The following ERBB4 variants were observed in gnomAD, a reference collection of about 807,000 sequenced individuals.
The protein encoded by ERBB4 is erb-b2 receptor tyrosine kinase 4.
A neutral mutation model predicts 158.0 loss-of-function variants in ERBB4; 42 were observed. The observed-to-expected ratio is 0.27, with a 90% CI of 0.21 to 0.34. ERBB4 has a LOEUF of 0.34. ERBB4 is among the 10% of genes least tolerant of loss of function. The probability of loss-of-function intolerance (pLI) is 1.00; values close to 1 mark genes in which losing one functional copy is unlikely to be tolerated. For missense variants in ERBB4, 1,333 were observed against 1,624.1 expected (o/e 0.82, Z 3.08); for synonymous variants, 583 against 558.7 (o/e 1.04, Z -0.61).
rs58919262 is a variant in ERBB4, at chr2:211,580,787, GATATAT to G, written c.2302-18705_2302-18700del. On this transcript the variant is annotated intron_variant, in intron 19 of 27. Transcript: ENST00000342788. Reference sequence around the variant, plus strand: ...ATCAACGGGTAGATAAAGAAATTGTGATATATATATATATATATATATATAATATAT... The same window carrying G: ...ATCAACGGGTAGATAAAGAAATTGTGATATATATATATATATATAATATAT... Among the ~76,000 whole-genome samples, 557 of 67,666 alleles carry G rather than the reference GATATAT, an allele frequency of 8.2e-3. 23 individuals carry two copies. Among genetic ancestry groups the G allele is most frequent in the African/African-American group, 0.016 (307 of 19,444 alleles). The allele number at this position is 67,666 out of a possible 152,430, so 44.4% of individuals were successfully genotyped here. A position where few individuals can be genotyped will look rare whatever the true frequency, so the allele number is the denominator to read the frequency against.
chr2:211,880,577 A>G (rs920614837), intron 3 of ERBB4, among the ~76,000 whole-genome samples: 1 of 152,204 alleles, frequency 6.6e-6, no homozygotes, highest in African/African-American at 2.4e-5. Flanking sequence ...ATTTGCACCA[A>G]AATAAACCCA....
chr2:212,464,374 C>T (rs528689059), intron 1 of ERBB4, among the ~76,000 whole-genome samples: 3 of 151,998 alleles, frequency 2.0e-5, no homozygotes, highest in Admixed American at 6.6e-5. Context: ...GGTTCCATTC[C>T]GGTAGAATCA....
intron 1 of ERBB4, among the ~76,000 whole-genome samples, chr2:212,144,763 T>C (rs1451889077): frequency 1.3e-5 from 2 of 152,196 alleles, no homozygotes; most frequent in African/African-American, 2.4e-5. Context: ...CCAGATGTAG[T>C]TCTTCTATCG....
At chr2:212,106,155 T>C (rs2079220893) in intron 2 of ERBB4, among the ~76,000 whole-genome samples, 1 of 152,138 alleles carries the variant, frequency 6.6e-6, no homozygotes, top group East Asian at 1.9e-4. Context: ...GGGTAACAGA[T>C]TGGAACAGTT....
intron 2 of ERBB4, among the ~76,000 whole-genome samples, chr2:212,073,485 G>T (rs2078184785): frequency 6.6e-6 from 1 of 151,868 alleles, no homozygotes; most frequent in Non-Finnish European, 1.5e-5. Flanking sequence ...CACCATTGTG[G>T]CCAGAACAAT....
intron 3 of ERBB4, among the ~76,000 whole-genome samples, chr2:211,838,635 A>C (rs2077395487): frequency 6.6e-6 from 1 of 152,146 alleles, no homozygotes; most frequent in South Asian, 2.1e-4. Flanking sequence ...GGTATGTCCA[A>C]AAATGTCAGT....
At chr2:211,553,261 G>T (rs1327063113) in intron 20 of ERBB4, among the ~76,000 whole-genome samples, 1 of 151,988 alleles carries the variant, frequency 6.6e-6, no homozygotes, top group African/African-American at 2.4e-5. Context: ...GAGCCACCAC[G>T]CCCAGCCCAA....
intron 3 of ERBB4, among the ~76,000 whole-genome samples, chr2:211,892,676 A>C (rs574361528): frequency 1.4e-5 from 2 of 145,798 alleles, no homozygotes; most frequent in East Asian, 3.9e-4. Flanking sequence ...GTTTCAGCCC[A>C]AAATCTCCTT....
intron 1 of ERBB4, among the ~76,000 whole-genome samples, chr2:212,407,197 A>G (rs115171169): frequency 0.012 from 1,796 of 151,612 alleles, 36 homozygotes; most frequent in African/African-American, 0.041. Flanking sequence ...AAATACATAT[A>G]TGTATGTATG....
intron 20 of ERBB4, among the ~76,000 whole-genome samples, chr2:211,439,118 T>C (rs2063919248): frequency 6.6e-6 from 1 of 151,998 alleles, no homozygotes; most frequent in Non-Finnish European, 1.5e-5. Context: ...TTTTGGCTGT[T>C]GATGATTCGT....
At chr2:211,791,343 A>G (rs2076275337) in intron 3 of ERBB4, among the ~76,000 whole-genome samples, 1 of 151,934 alleles carries the variant, frequency 6.6e-6, no homozygotes, top group Non-Finnish European at 1.5e-5. Context: ...GTTTTCCACA[A>G]GTTTTATCAA....
intron 2 of ERBB4, among the ~76,000 whole-genome samples, chr2:212,055,270 A>G (rs1275914664): frequency 6.6e-6 from 1 of 152,198 alleles, no homozygotes; most frequent in African/African-American, 2.4e-5. Context: ...GCCATTGCTG[A>G]GGCTTGAGTA....
intron 2 of ERBB4, among the ~76,000 whole-genome samples, chr2:212,066,046 G>C (rs1027237756): frequency 9.2e-5 from 14 of 152,032 alleles, no homozygotes; most frequent in Admixed American, 7.2e-4. Context: ...GTCACAAAGT[G>C]ACTGCTGGAC....
intron 5 of ERBB4, among the ~76,000 whole-genome samples, chr2:211,731,769 A>T (rs1415535091): frequency 6.6e-6 from 1 of 152,178 alleles, no homozygotes; most frequent in Non-Finnish European, 1.5e-5. Context: ...AAACAAATAA[A>T]GCTCACAGAC....
At chr2:211,689,220 T>C (rs1470771591) in intron 12 of ERBB4, among the ~76,000 whole-genome samples, 2 of 152,140 alleles carry the variant, frequency 1.3e-5, no homozygotes, top group African/African-American at 4.8e-5. Context: ...TTTGAAACAG[T>C]GTTTCACTCT....
intron 20 of ERBB4, among the ~76,000 whole-genome samples, chr2:211,508,956 A>C (rs1412687423): frequency 6.6e-6 from 1 of 151,520 alleles, no homozygotes; most frequent in African/African-American, 2.4e-5. Context: ...AAAACAAAAC[A>C]AAAAAAAGAA....
intron 20 of ERBB4, 43 bp downstream of exon 20, chr2:211,561,860 T>A (rs747459110): frequency 6.5e-7 from 1 of 1,541,164 alleles, no homozygotes; most frequent in Non-Finnish European, 9.0e-7. Flanking sequence ...TAGGAAATAT[T>A]AACCTAAAAA....
At chr2:212,497,631 A>C (rs960459197) in intron 1 of ERBB4, among the ~76,000 whole-genome samples, 1 of 152,198 alleles carries the variant, frequency 6.6e-6, no homozygotes, top group African/African-American at 2.4e-5. Context: ...CAAGTCCTAC[A>C]TTCCAGTTTC....
intron 23 of ERBB4, among the ~76,000 whole-genome samples, chr2:211,423,546 G>T (rs1212064738): frequency 6.6e-6 from 1 of 151,884 alleles, no homozygotes; most frequent in African/African-American, 2.4e-5. Flanking sequence ...TAATACATAT[G>T]TGTCTGGGAC....
Sources: allele counts gnomAD v4.1 joint callset (sites outside exome capture counted in the v4.1 genomes callset), GRCh38; gene constraint gnomAD v4.1.1; transcripts MANE v1.5; gene names NCBI Gene and HGNC (gene_info 2026-07-23, HGNC 2026-07-21).